The following TPST1 variants were observed in gnomAD, a reference collection of about 807,000 sequenced individuals.
The protein encoded by TPST1 is protein-tyrosine sulfotransferase 1.
Under a neutral mutation model 34.8 loss-of-function variants are expected in TPST1, and 20 were observed. That is an observed-to-expected ratio of 0.57 (90% CI 0.40 to 0.84). The LOEUF (loss-of-function observed/expected upper bound fraction) is 0.84. TPST1 is among the 40% of genes least tolerant of loss of function. The pLI, the probability that TPST1 is intolerant of heterozygous loss-of-function variation, is 0.00. For missense variants in TPST1, 353 were observed against 455.5 expected (o/e 0.78, Z 2.05); for synonymous variants, 152 against 159.4 (o/e 0.95, Z 0.35).
At chr7:66,272,706 C>A (rs999765176) in intron 2 of TPST1, among the ~76,000 whole-genome samples, 3 of 151,990 alleles carry the variant, frequency 2.0e-5, no homozygotes, top group African/African-American at 7.3e-5. Flanking sequence ...TCCACCTCAG[C>A]CTCCCAAGTA....
chr7:66,215,927 G>T (rs1431845312), intron 1 of TPST1, among the ~76,000 whole-genome samples: 1 of 150,428 alleles, frequency 6.6e-6, no homozygotes, highest in Non-Finnish European at 1.5e-5. Flanking sequence ...CGCCCGCCAC[G>T]ACGGCTGGCT....
chr7:66,246,179 ATTTTTTTTTTTT>A lies in TPST1; in HGVS notation c.845+4927_845+4938del, dbSNP rs35051150. The stretch of plus-strand genomic sequence containing the variant: ...AGGTGCATGCCATCATGCCTGGCTA[ATTTTTTTTTTTT>A]TTTTTTTTTTTTTTTTTGGTGGAGA... On this transcript the variant is annotated intron_variant, in intron 2 of 5. Transcript: ENST00000304842. 3.5e-4 allele frequency among the ~76,000 whole-genome samples: 32 copies of A among 92,394 alleles called. 1 individual carries two copies. Among genetic ancestry groups the A allele is most frequent in the African/African-American group, 9.6e-4 (23 of 23,872 alleles). The allele number at this position is 92,394 out of a possible 152,430, so 60.6% of individuals were successfully genotyped here.
At chr7:66,205,005 G>A (rs1465799889), upstream of TPST1, among the ~76,000 whole-genome samples, 1 of 152,234 alleles carries the variant, frequency 6.6e-6, no homozygotes, top group Non-Finnish European at 1.5e-5. The surrounding 1 kb of genome is among the most constrained non-coding windows in gnomAD (Gnocchi z 5.0). Context: ...GGTGAGGACC[G>A]CCACCTGCCC....
chr7:66,257,786 G>T (rs1317642195), intron 2 of TPST1, among the ~76,000 whole-genome samples: 1 of 152,110 alleles, frequency 6.6e-6, no homozygotes, highest in Non-Finnish European at 1.5e-5. Context: ...AGCCCCTGTT[G>T]TTGAGTCGCG....
chr7:66,199,745 G>A, the TPST1 span, among the ~76,000 whole-genome samples: 7 of 145,518 alleles, frequency 4.8e-5, no homozygotes, highest in East Asian at 4.0e-4. Context: ...ACAGAGTCTC[G>A]CTCTGTCGCC....
At chr7:66,349,822 C>A (rs778735) in intron 3 of TPST1, among the ~76,000 whole-genome samples, 59,345 of 151,848 alleles carry the variant, frequency 0.39, 12,149 homozygotes, top group East Asian at 0.64. Context: ...ACAACAACAA[C>A]AAAAAACCCA....
At chr7:66,225,624 A>G (rs1789639336) in intron 1 of TPST1, among the ~76,000 whole-genome samples, 1 of 152,184 alleles carries the variant, frequency 6.6e-6, no homozygotes, top group African/African-American at 2.4e-5. Flanking sequence ...TAAATAAATA[A>G]AAAGAAATAA....
At position 66,356,700 on chromosome 7, in the gene TPST1, G is replaced by A; in HGVS notation, c.1096-125G>A. 2.9e-6 allele frequency: 3 copies of A among 1,042,318 alleles called. No individual in the cohort carries two copies. In the South Asian group the frequency reaches 4.1e-5, roughly 14 times the overall value. The allele number at this position is 1,042,318 out of a possible 1,614,324, so 64.6% of individuals were successfully genotyped here. ...TCAGATTCTTGAGCATACCACAGTA[G>A]TGCACTGAGTTCATCTGAAAGTGAA... is the stretch of plus-strand genomic sequence containing the variant. On this transcript the variant is annotated intron_variant, in intron 4 of 5. Coordinates refer to ENST00000304842, the MANE Select transcript of TPST1 (RefSeq NM_003596.4).
chr7:66,226,022 G>C (rs189042369), intron 1 of TPST1, among the ~76,000 whole-genome samples: 160 of 152,096 alleles, frequency 1.1e-3, no homozygotes, highest in African/African-American at 3.5e-3. Context: ...GAGTAGCTGG[G>C]AATACAGGCG....
intron 4 of TPST1, among the ~76,000 whole-genome samples, chr7:66,353,718 A>G (rs1204324585): frequency 6.6e-6 from 1 of 152,222 alleles, no homozygotes; most frequent in African/African-American, 2.4e-5. Flanking sequence ...TGTTGCCTCC[A>G]GGCTGCTGCT....
chr7:66,254,006 A>AG (rs1200862576), intron 2 of TPST1, among the ~76,000 whole-genome samples: 2 of 149,804 alleles, frequency 1.3e-5, no homozygotes, highest in Non-Finnish European at 3.0e-5. Flanking sequence ...CTGTTTCAAA[A>AG]AAAAAAAAAA....
At position 66,240,974 on chromosome 7, in the gene TPST1, C is replaced by T. The variant is rs1790021107; in HGVS notation, c.549C>T (p.Val183=). 6.2e-7 allele frequency: 1 copy of T among 1,614,174 alleles called. No homozygotes were observed. Among genetic ancestry groups the T allele is most frequent in the Non-Finnish European group, 8.5e-7 (1 of 1,180,034 alleles). ...LFPNAKFLLM[V]RDGRASVHSM... ...CCAATGCCAAATTTCTCCTGATGGT[C>T]CGAGATGGCCGGGCATCAGTACATT... Residue 183 remains valine (V), a synonymous_variant, in exon 2 of 6, where the codon GTC becomes GTT. Transcript: ENST00000304842.
chr7:66,284,777 G>A (rs1791002331), intron 2 of TPST1, among the ~76,000 whole-genome samples: 2 of 151,834 alleles, frequency 1.3e-5, no homozygotes, highest in Non-Finnish European at 2.9e-5. Context: ...GGATGGTCTC[G>A]AACTCCTGAC....
At chr7:66,302,041 A>G (rs1488983868) in intron 3 of TPST1, among the ~76,000 whole-genome samples, 1 of 152,234 alleles carries the variant, frequency 6.6e-6, no homozygotes, top group Non-Finnish European at 1.5e-5. Flanking sequence ...TTTTAACTGC[A>G]TACTGGACCT....
At chr7:66,249,957 G>A (rs1482881405) in intron 2 of TPST1, among the ~76,000 whole-genome samples, 1 of 152,162 alleles carries the variant, frequency 6.6e-6, no homozygotes, top group Non-Finnish European at 1.5e-5. Flanking sequence ...TGAGACACTT[G>A]GCAAATGGAA....
upstream of TPST1, among the ~76,000 whole-genome samples, chr7:66,201,780 G>C (rs146069136): frequency 0.013 from 2,003 of 151,544 alleles, 41 homozygotes; most frequent in African/African-American, 0.045. Context: ...TTGAGCCCAG[G>C]CGTTTGAGGC....
chr7:66,352,253 T>A (rs1792494225), intron 3 of TPST1, among the ~76,000 whole-genome samples: 1 of 152,166 alleles, frequency 6.6e-6, no homozygotes. Context: ...GTTTTTAGGG[T>A]ACCCTGAGCC....
At chr7:66,262,859 A>C (rs1790514857) in intron 2 of TPST1, among the ~76,000 whole-genome samples, 1 of 152,166 alleles carries the variant, frequency 6.6e-6, no homozygotes, top group African/African-American at 2.4e-5. Context: ...GCACTTTGGG[A>C]GGCCGAGGTG....
chr7:66,237,545 G>A (rs1413922995), intron 1 of TPST1, among the ~76,000 whole-genome samples: 1 of 152,050 alleles, frequency 6.6e-6, no homozygotes, highest in African/African-American at 2.4e-5. Flanking sequence ...TATATTTACT[G>A]TATCCTTAGG....
Sources: gnomAD v4.1 joint callset for allele counts (sites outside exome capture counted in the v4.1 genomes callset) on GRCh38, gnomAD v4.1.1 for gene constraint, Gnocchi (gnomAD v3.1) non-coding constraint, MANE v1.5 for transcripts, NCBI Gene and HGNC (gene_info 2026-07-23, HGNC 2026-07-21) for gene names.